Variants in UBE2D2 observed in about 807,000 individuals in gnomAD.
UBE2D2 encodes ubiquitin conjugating enzyme E2 D2, also known as ubiquitin-conjugating enzyme E2 D2.
UBE2D2 carries 2 observed loss-of-function variants against 24.2 expected under a neutral mutation model. That is an observed-to-expected ratio of 0.08 (90% CI 0.03 to 0.26). The LOEUF is 0.26. UBE2D2 is among the 10% of genes least tolerant of loss of function. The pLI, the probability that UBE2D2 is intolerant of heterozygous loss-of-function variation, is 1.00. For missense variants in UBE2D2, 44 were observed against 177.6 expected (o/e 0.25, Z 4.28); for synonymous variants, 58 against 56.5 (o/e 1.03, Z -0.12).
chr5:139,594,745 C>T (rs1389594735), intron 1 of UBE2D2, among the ~76,000 whole-genome samples: 3 of 152,134 alleles, frequency 2.0e-5, no homozygotes. Context: ...GAATGTTCTA[C>T]TTTAACTGTC....
At chr5:139,527,588 C>T (rs1053933806) in intron 1 of UBE2D2, among the ~76,000 whole-genome samples, 1 of 151,862 alleles carries the variant, frequency 6.6e-6, no homozygotes, top group African/African-American at 2.4e-5. Context: ...TGGTTATCTT[C>T]AAAAATAAAG....
At chr5:139,556,820 C>A (rs1752986256), upstream of UBE2D2, among the ~76,000 whole-genome samples, 1 of 151,336 alleles carries the variant, frequency 6.6e-6, no homozygotes, top group Non-Finnish European at 1.5e-5. Flanking sequence ...AAAAGAAAAT[C>A]TGAATAGTTC....
intron 1 of UBE2D2, among the ~76,000 whole-genome samples, chr5:139,564,128 T>G (rs1753167543): frequency 2.0e-5 from 3 of 152,184 alleles, no homozygotes. Flanking sequence ...TTGTAAGATT[T>G]TTTTAATAAA....
chr5:139,583,559 C>G (rs1345209323), intron 1 of UBE2D2, among the ~76,000 whole-genome samples: 1 of 151,956 alleles, frequency 6.6e-6, no homozygotes, highest in Non-Finnish European at 1.5e-5. Context: ...GACAGGAGTT[C>G]GAGACCAACC....
intron 1 of UBE2D2, among the ~76,000 whole-genome samples, chr5:139,537,309 G>A (rs905851132): frequency 7.2e-5 from 11 of 151,950 alleles, no homozygotes; most frequent in Middle Eastern, 3.2e-3. Context: ...AATGTAAACA[G>A]GGTTCATACA....
upstream of UBE2D2, among the ~76,000 whole-genome samples, chr5:139,556,377 C>T (rs1752981271): frequency 6.6e-6 from 1 of 152,006 alleles, no homozygotes; most frequent in African/African-American, 2.4e-5. Context: ...CCACTGTACT[C>T]CAGCCTGGGC....
chr5:139,530,939 C>A (rs1283016515), intron 1 of UBE2D2, among the ~76,000 whole-genome samples: 4 of 152,184 alleles, frequency 2.6e-5, no homozygotes, highest in African/African-American at 4.8e-5. Context: ...TGATAAAAAA[C>A]TTCGTTGCCA....
At chr5:139,619,235 A>G (rs1162127902) in intron 5 of UBE2D2, among the ~76,000 whole-genome samples, 1 of 152,020 alleles carries the variant, frequency 6.6e-6, no homozygotes, top group Admixed American at 6.6e-5. Flanking sequence ...ATTTCTACCA[A>G]TAATACAAAA....
chr5:139,586,078 T>C (rs913837818), intron 1 of UBE2D2, among the ~76,000 whole-genome samples: 3 of 152,032 alleles, frequency 2.0e-5, no homozygotes, highest in African/African-American at 7.2e-5. Context: ...TAAGATCTTT[T>C]TCATCCTAAG....
At chr5:139,601,235 T>G (rs756380459) in intron 2 of UBE2D2, among the ~76,000 whole-genome samples, 2 of 152,226 alleles carry the variant, frequency 1.3e-5, no homozygotes, top group African/African-American at 4.8e-5. Context: ...TCCCATATAG[T>G]GTCTTTTAAC....
chr5:139,564,379 C>T (rs1485049394), intron 1 of UBE2D2, among the ~76,000 whole-genome samples: 2 of 151,722 alleles, frequency 1.3e-5, no homozygotes, highest in African/African-American at 2.4e-5. Context: ...ATTTCTAGTT[C>T]CTGACCTCCG....
chr5:139,561,430 A>T lies in UBE2D2; in HGVS notation c.-362A>T. 4.2e-6 allele frequency: 1 copy of T among 236,162 alleles called. No individual in the cohort carries two copies. The highest frequency in any genetic ancestry group is 8.2e-6 in the Non-Finnish European group (1 of 121,718). 14.6% of individuals were successfully genotyped at this position (236,162 alleles called of 1,614,324 possible). On this transcript the variant is annotated 5_prime_UTR_variant, in exon 1 of 7. Transcript: ENST00000398733. ...GACAGGCAATCCCTCCGGCTGTCCG[A>T]CCAAGAGAGGCCGGCCGAGCCCGAG... is the stretch of plus-strand genomic sequence containing the variant.
chr5:139,626,662 A>G (rs1338732615), intron 6 of UBE2D2, 94 bp from the exon 7 acceptor site: 1 of 1,022,882 alleles, frequency 9.8e-7, no homozygotes, highest in Non-Finnish European at 1.5e-6. Context: ...CCTATAAGCT[A>G]CTCTCTTCAA....
rs1753344721 is a variant in UBE2D2 at position 139,571,191 on chromosome 5, G to T, written c.24+9376G>T. Among the ~76,000 whole-genome samples, 3 of 151,920 alleles carry T rather than the reference G, an allele frequency of 2.0e-5. No homozygotes were observed. In the South Asian group the frequency reaches 6.2e-4, roughly 32 times the overall value. On this transcript the variant is annotated intron_variant, in intron 1 of 6. Coordinates refer to ENST00000398733, the MANE Select transcript of UBE2D2 (RefSeq NM_003339.3). ...TGGGAGGCCGAGGCGGGTGGATCGT[G>T]AGGTCAGGAGATCGAGACCATCCTG...
At chr5:139,582,266 A>T (rs1186043358) in intron 1 of UBE2D2, among the ~76,000 whole-genome samples, 3 of 139,530 alleles carry the variant, frequency 2.2e-5, no homozygotes, top group Non-Finnish European at 4.7e-5. Context: ...GCCTTACACA[A>T]TTTTTTTTTT....
intron 1 of UBE2D2, among the ~76,000 whole-genome samples, chr5:139,531,210 GC>G (rs1235729380): frequency 3.3e-5 from 5 of 152,126 alleles, no homozygotes; most frequent in Non-Finnish European, 7.4e-5. Context: ...CTGAAAGCAG[GC>G]CTGGGCCTGC....
chr5:139,559,885 G>GT (rs1753036789), upstream of UBE2D2, among the ~76,000 whole-genome samples: 1 of 152,104 alleles, frequency 6.6e-6, no homozygotes, highest in African/African-American at 2.4e-5. Context: ...GCTTGGCTCC[G>GT]TATCTCACAC....
chr5:139,556,981 C>G (rs1752988892), upstream of UBE2D2, among the ~76,000 whole-genome samples: 1 of 142,466 alleles, frequency 7.0e-6, no homozygotes, highest in Non-Finnish European at 1.5e-5. Context: ...ATTACAGGCG[C>G]TCACCACCAT....
At chr5:139,539,244 C>T (rs377075144) in intron 1 of UBE2D2, among the ~76,000 whole-genome samples, 61 of 152,120 alleles carry the variant, frequency 4.0e-4, no homozygotes, top group African/African-American at 1.4e-3. Context: ...AGGCTGGTCT[C>T]GAAACCCTGA....
Sources: gnomAD v4.1 joint callset for allele counts (sites outside exome capture counted in the v4.1 genomes callset) on GRCh38, gnomAD v4.1.1 for gene constraint, MANE v1.5 for transcripts, NCBI Gene and HGNC (gene_info 2026-07-23, HGNC 2026-07-21) for gene names.